ZKSCAN2: variants seen among roughly 807,000 people sequenced by gnomAD.
ZKSCAN2 encodes zinc finger protein with KRAB and SCAN domains 2.
Under a neutral mutation model 90.5 loss-of-function variants are expected in ZKSCAN2, and 38 were observed. The ratio of observed to expected loss-of-function variants is 0.42; its 90% confidence interval spans 0.32 to 0.55. ZKSCAN2 has a LOEUF of 0.55. Among genes scored for constraint, ZKSCAN2 ranks in the 20% least tolerant of loss-of-function variants. The pLI, the probability that ZKSCAN2 is intolerant of heterozygous loss-of-function variation, is 0.11. For missense variants in ZKSCAN2, 1,167 were observed against 1,202.6 expected (o/e 0.97, Z 0.44); for synonymous variants, 429 against 421.6 (o/e 1.02, Z -0.22).
chr16:25,240,162 T>G lies in ZKSCAN2; in HGVS notation c.2558A>C (p.His853Pro). The G allele has an allele frequency of 6.2e-7, 1 of 1,614,110 alleles. No homozygotes were observed. The highest frequency in any genetic ancestry group is 1.1e-5 in the South Asian group (1 of 91,084). ...ACACTGATAGGGCTTCTCACCGGTGTGCGTTCTCTGATGTATAATAAGACT... is the reference window on the plus strand; with the variant it reads ...ACACTGATAGGGCTTCTCACCGGTGGGCGTTCTCTGATGTATAATAAGACT... Reference protein sequence around the residue: ...SSSLIIHQRTHTGEKPYQCGE... With the variant: ...SSSLIIHQRTPTGEKPYQCGE... Residue 853 changes from histidine (H) to proline (P), a missense_variant, in exon 7 of 7, where the codon CAC becomes CCC. By Grantham distance (77) the His-to-Pro change is moderately conservative (BLOSUM62 -2). Coordinates refer to ENST00000328086, the MANE Select transcript of ZKSCAN2 (RefSeq NM_001012981.5).
At chr16:25,252,865 C>T in intron 3 of ZKSCAN2, 81 bp downstream of exon 3, 1 of 1,173,760 alleles carries the variant, frequency 8.5e-7, no homozygotes, top group Admixed American at 1.7e-5. Flanking sequence ...TTGCAGTGAG[C>T]TGAGATTGCG....
In ZKSCAN2 at chr16:25,238,400, A is replaced by T. The variant is rs1962799942; in HGVS notation, c.*1416T>A. On this transcript the variant is annotated 3_prime_UTR_variant, in exon 7 of 7. Coordinates refer to ENST00000328086, the MANE Select transcript of ZKSCAN2 (RefSeq NM_001012981.5). The stretch of plus-strand genomic sequence containing the variant: ...GAAGCAACTGGCCATGGAAAATCAA[A>T]TCTCTGGGTTTCATCTGTAACTTCA... 1 of 152,202 alleles carries T rather than the reference A, an allele frequency of 6.6e-6. No individual in the cohort carries two copies. Among genetic ancestry groups the T allele is most frequent in the South Asian group, 2.1e-4 (1 of 4,830 alleles). The allele number at this position is 152,202 out of a possible 1,614,324, so 9.4% of individuals were successfully genotyped here. A position where few individuals can be genotyped will look rare whatever the true frequency, so the allele number is the denominator to read the frequency against.
At chr16:25,253,911 G>C (rs1423018449) in intron 2 of ZKSCAN2, among the ~76,000 whole-genome samples, 1 of 152,238 alleles carries the variant, frequency 6.6e-6, no homozygotes, top group Non-Finnish European at 1.5e-5. Flanking sequence ...GAGAGACTGA[G>C]GCACGAGAAT....
intron 2 of ZKSCAN2, among the ~76,000 whole-genome samples, chr16:25,254,970 T>A (rs1485980105): frequency 5.9e-5 from 9 of 151,852 alleles, no homozygotes; most frequent in Non-Finnish European, 1.2e-4. Flanking sequence ...ATATTTTTTT[T>A]TTTTTTGCGA....
intron 2 of ZKSCAN2, among the ~76,000 whole-genome samples, chr16:25,254,863 G>A (rs944675804): frequency 4.0e-5 from 6 of 150,652 alleles, no homozygotes; most frequent in Admixed American, 2.7e-4. Context: ...GTGTGATCAC[G>A]GCTTACTGCA....
At position 25,257,771 on chromosome 16, in the gene ZKSCAN2, GGC is replaced by G. The variant is rs2141374355; in HGVS notation, c.-646_-645del. 6.5e-6 allele frequency: 1 copy of G among 152,750 alleles called. No individual in the cohort carries two copies. Among genetic ancestry groups the G allele is most frequent in the South Asian group, 2.1e-4 (1 of 4,842 alleles). 9.5% of individuals were successfully genotyped at this position (152,750 alleles called of 1,614,324 possible). Reference sequence around the variant, plus strand: ...GAGAAGAGCTGCGGGGCGAAGCCAGGGCTCGCAGGGGGCAGCGGCAGGCTGCT... The same window carrying G: ...GAGAAGAGCTGCGGGGCGAAGCCAGGTCGCAGGGGGCAGCGGCAGGCTGCT... On this transcript the variant is annotated 5_prime_UTR_variant, in exon 1 of 7. Coordinates refer to ENST00000328086, the MANE Select transcript of ZKSCAN2 (RefSeq NM_001012981.5).
At chr16:25,246,294 C>G (rs1217760474) in intron 5 of ZKSCAN2, 1 of 159,552 alleles carries the variant, frequency 6.3e-6, no homozygotes, top group African/African-American at 2.4e-5. Flanking sequence ...TTAATGAAAA[C>G]CTGTTGAAAC....
intron 4 of ZKSCAN2, among the ~76,000 whole-genome samples, chr16:25,248,567 AATC>A (rs570589224): frequency 1.5e-4 from 23 of 152,338 alleles, no homozygotes; most frequent in African/African-American, 5.5e-4. Flanking sequence ...CAACATTGCT[AATC>A]ATCAGGGAAA....
In ZKSCAN2 at chr16:25,257,834, G is replaced by A. The variant is rs937878338; in HGVS notation, c.-707C>T. ...CTCGTCCACTCGGCCCGCGGAGAGC[G>A]CGGGGGGCGCTGGGAACCGCAGTCA... On this transcript the variant is annotated 5_prime_UTR_variant, in exon 1 of 7. Transcript: ENST00000328086. 1.3e-5 allele frequency: 2 copies of A among 151,882 alleles called. No individual in the cohort carries two copies. Among genetic ancestry groups the A allele is most frequent in the African/African-American group, 4.8e-5 (2 of 41,372 alleles). The allele number at this position is 151,882 out of a possible 1,614,324, so 9.4% of individuals were successfully genotyped here.
intron 1 of ZKSCAN2, 26 bp from the exon 2 acceptor site, chr16:25,255,418 G>A: frequency 1.3e-6 from 2 of 1,598,764 alleles, no homozygotes; most frequent in Non-Finnish European, 8.5e-7. Flanking sequence ...AATACCATAA[G>A]AGGGAGTAAA....
At chr16:25,250,814 T>G (rs772874203) in intron 4 of ZKSCAN2, among the ~76,000 whole-genome samples, 25 of 152,186 alleles carry the variant, frequency 1.6e-4, no homozygotes, top group Non-Finnish European at 3.5e-4. Flanking sequence ...TGGAGTGCAA[T>G]GGTGTGATCT....
chr16:25,240,695 T>A lies in ZKSCAN2; in HGVS notation c.2025A>T (p.Ile675=), dbSNP rs771798706. 4 of 1,613,672 alleles carry A rather than the reference T, an allele frequency of 2.5e-6. No homozygotes were observed. In the East Asian group the frequency reaches 8.9e-5, roughly 36 times the overall value. The change falls in exon 7 of 7, where the codon ATA becomes ATT. Residue 675 remains isoleucine, a synonymous_variant. Coordinates refer to ENST00000328086, the MANE Select transcript of ZKSCAN2 (RefSeq NM_001012981.5). Reference sequence around the variant, plus strand: ...TATGCTGTTCCATGTCCTTATATACTATCTGTGTTGGATCCTCCTTGATGC... The same window carrying A: ...TATGCTGTTCCATGTCCTTATATACAATCTGTGTTGGATCCTCCTTGATGC... ...GSSIKEDPTQ[I]VYKDMEQHRA...
In ZKSCAN2 at chr16:25,250,196, C is replaced by A. The variant is rs148952552; in HGVS notation, c.805+1713G>T. ...TGGTGGCATGCACCTGTAGTTCCAG[C>A]TACTCGGGAGGCTGAGGCAGGAGAA... is the stretch of plus-strand genomic sequence containing the variant. On this transcript the variant is annotated intron_variant, in intron 4 of 6. Transcript: ENST00000328086. Among the ~76,000 whole-genome samples the A allele has an allele frequency of 5.0e-3, 766 of 152,134 alleles. 6 individuals carry two copies. The highest frequency in any genetic ancestry group is 9.0e-3 in the Non-Finnish European group (611 of 68,006).
Position 25,257,522 on chromosome 16 carries a change from G to C in ZKSCAN2, c.-395C>G, listed in dbSNP as rs1310042869. 1.0e-5 allele frequency: 10 copies of C among 991,126 alleles called. No homozygotes were observed. Among genetic ancestry groups the C allele is most frequent in the African/African-American group, 3.5e-5 (2 of 57,456 alleles). 61.4% of individuals were successfully genotyped at this position (991,126 alleles called of 1,614,324 possible). ...TGTCCGCTACTCCCGGGTCGGGCGC[G>C]GAGAGGCGAGTCCCCGAGTGGGTGG... On this transcript the variant is annotated 5_prime_UTR_variant, in exon 1 of 7. Transcript: ENST00000328086.
At position 25,257,292 on chromosome 16, in the gene ZKSCAN2, C is replaced by G; in HGVS notation, c.-165G>C. On this transcript the variant is annotated 5_prime_UTR_variant, in exon 1 of 7. Coordinates refer to ENST00000328086, the MANE Select transcript of ZKSCAN2 (RefSeq NM_001012981.5). ...CCAGGCTGATTAATCAAATCTATGCCAGGCCCTTGAAAAGGTGAACGTATA... is the reference window on the plus strand; with the variant it reads ...CCAGGCTGATTAATCAAATCTATGCGAGGCCCTTGAAAAGGTGAACGTATA... The G allele has an allele frequency of 1.4e-6, 2 of 1,437,542 alleles. No homozygotes were observed. The highest frequency in any genetic ancestry group is 1.8e-6 in the Non-Finnish European group (2 of 1,102,012). The allele number at this position is 1,437,542 out of a possible 1,614,324, so 89.0% of individuals were successfully genotyped here.
Position 25,257,555 on chromosome 16 carries a change from T to C in ZKSCAN2, c.-428A>G. 1 of 966,684 alleles carries C rather than the reference T, an allele frequency of 1.0e-6. No individual in the cohort carries two copies. The highest frequency in any genetic ancestry group is 1.2e-6 in the Non-Finnish European group (1 of 812,738). 59.9% of individuals were successfully genotyped at this position (966,684 alleles called of 1,614,324 possible). ...GAGTCCCCGAGTGGGTGGGGCCGGA[T>C]GTGCAGGCCCCGCCCGGCGCCAGGT... On this transcript the variant is annotated 5_prime_UTR_variant, in exon 1 of 7. Transcript: ENST00000328086.
Position 25,255,781 on chromosome 16 carries a change from T to A in ZKSCAN2, c.400-389A>T, listed in dbSNP as rs139664130. 6.4e-3 allele frequency among the ~76,000 whole-genome samples: 975 copies of A among 152,216 alleles called. 8 individuals carry two copies. Among genetic ancestry groups the A allele is most frequent in the African/African-American group, 0.02 (844 of 41,534 alleles). On this transcript the variant is annotated intron_variant, in intron 1 of 6. Transcript: ENST00000328086. ...TTTTTTTAGTAGAGATGGGGTTTCA[T>A]TATGTTGGTCAGGCTGGTCTCGAAT... is the stretch of plus-strand genomic sequence containing the variant.
Position 25,239,785 on chromosome 16 carries a change from T to A in ZKSCAN2, c.*31A>T. 1 of 1,534,366 alleles carries A rather than the reference T, an allele frequency of 6.5e-7. No individual in the cohort carries two copies. Among genetic ancestry groups the A allele is most frequent in the Non-Finnish European group, 8.8e-7 (1 of 1,139,334 alleles). ...AAGAATGAGATTAGGGTAAAATGGC[T>A]AAGGGGGCATTTAGGAAGAGAAGAT... On this transcript the variant is annotated 3_prime_UTR_variant, in exon 7 of 7. Coordinates refer to ENST00000328086, the MANE Select transcript of ZKSCAN2 (RefSeq NM_001012981.5).
At chr16:25,255,100 T>C in intron 2 of ZKSCAN2, 106 bp downstream of exon 2, 1 of 1,167,582 alleles carries the variant, frequency 8.6e-7, no homozygotes, top group Non-Finnish European at 1.2e-6. Flanking sequence ...TCTCCTATTC[T>C]GAATATGTAT....
Sources: gnomAD v4.1 joint callset for allele counts (sites outside exome capture counted in the v4.1 genomes callset) on GRCh38, gnomAD v4.1.1 for gene constraint, MANE v1.5 for transcripts, NCBI Gene and HGNC (gene_info 2026-07-23, HGNC 2026-07-21) for gene names.